The following CALCRL variants were observed in gnomAD, a reference collection of about 807,000 sequenced individuals.
The protein encoded by CALCRL is calcitonin receptor like receptor, also known as calcitonin gene-related peptide type 1 receptor.
A neutral mutation model predicts 60.4 loss-of-function variants in CALCRL; 27 were observed. The observed-to-expected ratio is 0.45, with a 90% CI of 0.33 to 0.62. The LOEUF (loss-of-function observed/expected upper bound fraction) is 0.62, where lower values mean the gene tolerates loss of function less well. Among genes scored for constraint, CALCRL ranks in the 20% least tolerant of loss-of-function variants. The pLI is 0.03. For missense variants in CALCRL, 424 were observed against 540.7 expected (o/e 0.78, Z 2.14); for synonymous variants, 190 against 182.6 (o/e 1.04, Z -0.33).
chr2:187,444,729 C>T (rs1014095469), intron 1 of CALCRL, among the ~76,000 whole-genome samples: 2 of 151,232 alleles, frequency 1.3e-5, no homozygotes, highest in South Asian at 2.1e-4. Context: ...AGAAGTAAGA[C>T]CTTATTATGT....
At chr2:187,421,069 A>G (rs1384961959) in intron 1 of CALCRL, among the ~76,000 whole-genome samples, 1 of 152,170 alleles carries the variant, frequency 6.6e-6, no homozygotes, top group Non-Finnish European at 1.5e-5. Context: ...AAGACCTCCC[A>G]CGTGGAAGTA....
intron 1 of CALCRL, among the ~76,000 whole-genome samples, chr2:187,401,436 G>T (rs955560547): frequency 6.6e-6 from 1 of 151,568 alleles, no homozygotes; most frequent in East Asian, 1.9e-4. Context: ...TATATATATA[G>T]AACTGCTTTG....
intron 1 of CALCRL, among the ~76,000 whole-genome samples, chr2:187,440,405 G>C (rs1344454921): frequency 6.6e-6 from 1 of 152,076 alleles, no homozygotes; most frequent in Non-Finnish European, 1.5e-5. Flanking sequence ...TTTTAAAAAA[G>C]CACATGCCAT....
At chr2:187,386,897 A>C (rs933596203) in intron 3 of CALCRL, among the ~76,000 whole-genome samples, 3 of 152,150 alleles carry the variant, frequency 2.0e-5, no homozygotes, top group African/African-American at 7.2e-5. Context: ...TCCCTGCACA[A>C]GCTCTCTTCT....
intron 14 of CALCRL, among the ~76,000 whole-genome samples, chr2:187,350,575 A>AAAT (rs202198390): frequency 6.6e-6 from 1 of 151,084 alleles, no homozygotes; most frequent in Admixed American, 6.6e-5. Context: ...AAATATAGAT[A>AAAT]AATAATAATA....
chr2:187,395,969 C>T (rs575875490), intron 1 of CALCRL, among the ~76,000 whole-genome samples: 4 of 151,850 alleles, frequency 2.6e-5, no homozygotes, highest in African/African-American at 9.6e-5. Flanking sequence ...AGTTTTTACT[C>T]CTAGTAACCT....
At chr2:187,411,321 C>A (rs564143451) in intron 1 of CALCRL, among the ~76,000 whole-genome samples, 1 of 152,188 alleles carries the variant, frequency 6.6e-6, no homozygotes, top group East Asian at 1.9e-4. Context: ...GATTCTTGTT[C>A]ATGAGTGTAT....
At chr2:187,371,588 T>G (rs1687521239) in intron 8 of CALCRL, among the ~76,000 whole-genome samples, 1 of 152,096 alleles carries the variant, frequency 6.6e-6, no homozygotes, top group African/African-American at 2.4e-5. Context: ...ATTTCATTAA[T>G]AGTTAGCTGT....
At chr2:187,445,375 AAACCAGAATTATTTGATAAAGCT>A (rs1207452715) in intron 1 of CALCRL, among the ~76,000 whole-genome samples, 3 of 151,610 alleles carry the variant, frequency 2.0e-5, no homozygotes, top group Non-Finnish European at 4.4e-5. Context: ...TATATCTCCA[AAACCAGAATTATTTGATAAAGCT>A]GTATTAAAAG....
intron 1 of CALCRL, among the ~76,000 whole-genome samples, chr2:187,409,312 G>A (rs1215814501): frequency 6.6e-6 from 1 of 152,116 alleles, no homozygotes; most frequent in East Asian, 1.9e-4. Flanking sequence ...ACGTTATTAA[G>A]ATCTAAACAT....
intron 14 of CALCRL, among the ~76,000 whole-genome samples, chr2:187,350,768 T>C (rs562991131): frequency 2.4e-4 from 37 of 151,822 alleles, no homozygotes; most frequent in African/African-American, 7.7e-4. Context: ...ATGGTTGTCA[T>C]AGGTTATACC....
chr2:187,445,581 A>G (rs1234967381), intron 1 of CALCRL, among the ~76,000 whole-genome samples: 1 of 151,586 alleles, frequency 6.6e-6, no homozygotes, highest in Non-Finnish European at 1.5e-5. Flanking sequence ...GTTTCCAAAT[A>G]TGATCTAGTT....
At chr2:187,367,930 T>C (rs1333645518) in intron 8 of CALCRL, among the ~76,000 whole-genome samples, 1 of 152,060 alleles carries the variant, frequency 6.6e-6, no homozygotes. Context: ...TGTTATTGTG[T>C]CAACAAAATC....
chr2:187,346,603 A>T (rs1164020188), intron 14 of CALCRL, among the ~76,000 whole-genome samples: 1 of 151,884 alleles, frequency 6.6e-6, no homozygotes, highest in Admixed American at 6.6e-5. Context: ...TTACAATTAC[A>T]TTGTACTTTA....
At chr2:187,357,484 C>A in intron 12 of CALCRL, among the ~76,000 whole-genome samples, 1 of 96,496 alleles carries the variant, frequency 1.0e-5, no homozygotes, top group Non-Finnish European at 1.9e-5. Context: ...AGGGGAACAT[C>A]ATACACTGGG....
intron 8 of CALCRL, among the ~76,000 whole-genome samples, chr2:187,369,875 T>A (rs894889616): frequency 5.3e-5 from 8 of 152,234 alleles, no homozygotes; most frequent in African/African-American, 1.9e-4. Context: ...GGGGAAGACA[T>A]CCCTGTTTGT....
intron 8 of CALCRL, among the ~76,000 whole-genome samples, chr2:187,366,850 A>G (rs1687316023): frequency 6.6e-6 from 1 of 151,348 alleles, no homozygotes; most frequent in Non-Finnish European, 1.5e-5. Context: ...TTGTCTTGAA[A>G]GGTAAGTACT....
At chr2:187,356,823 C>T (rs1242099198) in intron 12 of CALCRL, among the ~76,000 whole-genome samples, 2 of 152,026 alleles carry the variant, frequency 1.3e-5, no homozygotes, top group Non-Finnish European at 2.9e-5. Flanking sequence ...ACAATCAACG[C>T]CATCAAAAAG....
intron 1 of CALCRL, among the ~76,000 whole-genome samples, chr2:187,405,208 T>A (rs1689064336): frequency 6.6e-6 from 1 of 152,000 alleles, no homozygotes. Context: ...ATGGAATGTC[T>A]TGGTTTGGTT....
Sources: gnomAD v4.1 joint callset for allele counts (sites outside exome capture counted in the v4.1 genomes callset) on GRCh38, gnomAD v4.1.1 for gene constraint, MANE v1.5 for transcripts, NCBI Gene and HGNC (gene_info 2026-07-23, HGNC 2026-07-21) for gene names.